The following NMT1 variants were observed in gnomAD, a reference collection of about 807,000 sequenced individuals.
NMT1 encodes the protein N-myristoyltransferase 1, also known as glycylpeptide N-tetradecanoyltransferase 1.
NMT1 carries 12 observed loss-of-function variants against 63.4 expected under a neutral mutation model. The observed-to-expected ratio is 0.19, with a 90% CI of 0.12 to 0.31. The LOEUF is 0.31. Ranked by LOEUF, NMT1 falls within the 10% of genes least tolerant of loss-of-function variation. NMT1 has a pLI of 1.00. For missense variants in NMT1, 432 were observed against 634.6 expected, an observed-to-expected ratio of 0.68 and a Z score of 3.43; for synonymous variants, 228 against 234.3, an observed-to-expected ratio of 0.97 and a Z score of 0.25.
At chr17:45,078,479 T>C (rs2053991179) in intron 1 of NMT1, among the ~76,000 whole-genome samples, 1 of 152,000 alleles carries the variant, frequency 6.6e-6, no homozygotes. Flanking sequence ...CAGATCACTT[T>C]CTCCCTGTAT....
rs373223252 is a variant in NMT1, at chr17:45,061,488, C to T, written c.131+28C>T. 2.0e-5 allele frequency: 32 copies of T among 1,603,076 alleles called. No individual in the cohort carries two copies. In the African/African-American group the frequency reaches 3.7e-4, roughly 19 times the overall value. ...AACGAAATCCTCGGAGTCCAATTCCCGTCCAGCCTCCCACAACCTGGGTCT... is the reference window on the plus strand; with the variant it reads ...AACGAAATCCTCGGAGTCCAATTCCTGTCCAGCCTCCCACAACCTGGGTCT... On this transcript the variant is annotated intron_variant, in intron 1 of 11. Coordinates refer to ENST00000258960, the MANE Select transcript of NMT1 (RefSeq NM_021079.5).
intron 2 of NMT1, among the ~76,000 whole-genome samples, chr17:45,084,486 G>A (rs2054038637): frequency 6.6e-6 from 1 of 151,710 alleles, no homozygotes. Context: ...AGCCGCCCGT[G>A]ACCACACTGG....
At chr17:45,070,082 G>A (rs1182890827) in intron 1 of NMT1, among the ~76,000 whole-genome samples, 1 of 152,166 alleles carries the variant, frequency 6.6e-6, no homozygotes, top group Non-Finnish European at 1.5e-5. Context: ...GTATACCAGA[G>A]CTTTTGTGAC....
At chr17:45,081,849 A>G in intron 2 of NMT1, 97 bp downstream of exon 2, 3 of 893,448 alleles carry the variant, frequency 3.4e-6, no homozygotes, top group Non-Finnish European at 5.1e-6. Context: ...GACGTTCTCC[A>G]CTGGTATTAC....
intron 3 of NMT1, among the ~76,000 whole-genome samples, chr17:45,091,449 T>C (rs1406869411): frequency 6.6e-6 from 1 of 152,120 alleles, no homozygotes; most frequent in African/African-American, 2.4e-5. Context: ...TAGGACCTAG[T>C]AGCCAGCCTA....
Position 45,104,541 on chromosome 17 carries a change from G to A in NMT1, c.1333-318G>A, listed in dbSNP as rs1051773556. ...TCTCAGAGGAATGGGCTCAGGGTTT[G>A]GACTCCAGAGAGGACTGTGGAAATT... On this transcript the variant is annotated intron_variant, in intron 10 of 11. Transcript: ENST00000258960. The surrounding 1 kb of genome is among the most constrained non-coding windows in gnomAD (Gnocchi z 4.2). 18 of 1,152,736 alleles carry A rather than the reference G, an allele frequency of 1.6e-5. No homozygotes were observed. The highest frequency in any genetic ancestry group is 1.9e-5 in the Non-Finnish European group (18 of 932,030). 71.4% of individuals were successfully genotyped at this position (1,152,736 alleles called of 1,614,324 possible). A position where few individuals can be genotyped will look rare whatever the true frequency, so the allele number is the denominator to read the frequency against.
rs1359401439 is a variant in NMT1 at position 45,103,510 on chromosome 17, T to G, written c.1165-199T>G. Among the ~76,000 whole-genome samples, 1 of 152,038 alleles carries G rather than the reference T, an allele frequency of 6.6e-6. No homozygotes were observed. The highest frequency in any genetic ancestry group is 1.5e-5 in the Non-Finnish European group (1 of 68,010). On this transcript the variant is annotated intron_variant, in intron 9 of 11. Coordinates refer to ENST00000258960, the MANE Select transcript of NMT1 (RefSeq NM_021079.5). The surrounding 1 kb of genome is among the most constrained non-coding windows in gnomAD (Gnocchi z 4.8). ...CATGCTGGGAAAGAGGTCTGGCAGG[T>G]TCAGCCCACGATCACGGCTCTGTCC...
intron 3 of NMT1, among the ~76,000 whole-genome samples, chr17:45,091,322 A>G (rs1347047062): frequency 6.6e-6 from 1 of 151,744 alleles, no homozygotes; most frequent in Non-Finnish European, 1.5e-5. Context: ...TTTGGTGTCC[A>G]TGATGGTGAG....
intron 1 of NMT1, among the ~76,000 whole-genome samples, chr17:45,063,204 C>CAAA (rs5820561): frequency 4.3e-4 from 34 of 79,964 alleles, no homozygotes; most frequent in Middle Eastern, 6.8e-3. Flanking sequence ...GACTCCGACT[C>CAAA]AAAAAAAAAA....
At chr17:45,085,970 C>T (rs111869417) in intron 2 of NMT1, among the ~76,000 whole-genome samples, 455 of 151,920 alleles carry the variant, frequency 3.0e-3, no homozygotes, top group African/African-American at 9.8e-3. Flanking sequence ...TACAGGGACA[C>T]GCCGCCATGC....
rs2054177565 is a variant in NMT1 at position 45,102,956 on chromosome 17, C to T, written c.999C>T (p.Pro333=). Residue 333 remains proline, a synonymous_variant, in exon 9 of 12, where the codon CCC becomes CCT. Transcript: ENST00000258960. ...TMKLYRLPET[P]KTAGLRPMET... ...CTCTTCTGTCTTGCCTCCAGACTCC[C>T]AAGACAGCTGGGCTGCGACCAATGG... 6.2e-7 allele frequency: 1 copy of T among 1,610,488 alleles called. No individual in the cohort carries two copies. The highest frequency in any genetic ancestry group is 1.3e-5 in the African/African-American group (1 of 74,850).
chr17:45,104,587 T>A lies in NMT1; in HGVS notation c.1333-272T>A. 1 of 1,234,306 alleles carries A rather than the reference T, an allele frequency of 8.1e-7. No homozygotes were observed. Among genetic ancestry groups the A allele is most frequent in the South Asian group, 2.4e-5 (1 of 40,968 alleles). 76.5% of individuals were successfully genotyped at this position (1,234,306 alleles called of 1,614,324 possible). A position where few individuals can be genotyped will look rare whatever the true frequency, so the allele number is the denominator to read the frequency against. On this transcript the variant is annotated intron_variant, in intron 10 of 11. Transcript: ENST00000258960. This position sits in a 1 kb window ranked among gnomAD's most constrained non-coding sequence, Gnocchi z 4.2. The stretch of plus-strand genomic sequence containing the variant: ...AAATTACTAGAGTTTCAGGGAGGCA[T>A]AACCAGGAATAGCAAGAGCCCCGGC...
At chr17:45,102,912 TC>T in intron 8 of NMT1, 38 bp from the exon 9 acceptor site, 12 of 1,571,714 alleles carry the variant, frequency 7.6e-6, no homozygotes, top group Non-Finnish European at 9.6e-6. Flanking sequence ...TCCAGGGTGA[TC>T]AGCTCATCTC....
Position 45,103,989 on chromosome 17 carries a change from C to G in NMT1, c.1332+113C>G. The G allele has an allele frequency of 1.3e-6, 2 of 1,598,680 alleles. No individual in the cohort carries two copies. The highest frequency in any genetic ancestry group is 1.7e-6 in the Non-Finnish European group (2 of 1,179,262). The stretch of plus-strand genomic sequence containing the variant: ...CATGGGCTGGAGGCTCTGAGCCCTC[C>G]TCATCTGTTCTGCTTAGGCAGGGTT... On this transcript the variant is annotated intron_variant, in intron 10 of 11. Transcript: ENST00000258960. The surrounding 1 kb of genome is among the most constrained non-coding windows in gnomAD (Gnocchi z 4.8).
rs775829411 is a variant in NMT1 at position 45,097,232 on chromosome 17, A to G, written c.701A>G (p.His234Arg). The G allele has an allele frequency of 1.6e-5, 26 of 1,613,426 alleles. No individual in the cohort carries two copies. Among genetic ancestry groups the G allele is most frequent in the African/African-American group, 2.7e-5 (2 of 74,894 alleles). Residue 234 changes from histidine (H) to arginine (R), a missense_variant, in exon 6 of 12, where the codon CAT (histidine) becomes CGT (arginine). His to Arg is a conservative substitution (Grantham distance 29, BLOSUM62 0). Transcript: ENST00000258960. The part of the protein sequence containing the change: ...GFISAIPANI[H>R]IYDTEKKMVE... ...ATTAGCGCCATCCCAGCAAACATCC[A>G]TATCTATGACACGTAAGCACCTGCA...
intron 1 of NMT1, among the ~76,000 whole-genome samples, chr17:45,063,197 T>C (rs1597998736): frequency 1.1e-5 from 1 of 87,126 alleles, no homozygotes. Context: ...AGAGCGAGAC[T>C]CCGACTCAAA....
At chr17:45,071,731 C>G (rs965398730) in intron 1 of NMT1, among the ~76,000 whole-genome samples, 1 of 152,018 alleles carries the variant, frequency 6.6e-6, no homozygotes, top group Non-Finnish European at 1.5e-5. Flanking sequence ...GCTTTATTTA[C>G]TTATTAGAGA....
intron 1 of NMT1, among the ~76,000 whole-genome samples, chr17:45,069,269 TTTTATTATTTA>T (rs557614500): frequency 0.017 from 2,298 of 133,488 alleles, 57 homozygotes; most frequent in South Asian, 0.08. Flanking sequence ...AGACTTTATT[TTTTATTATTTA>T]TTTATTTATT....
Position 45,061,317 on chromosome 17 carries a change from C to G in NMT1, c.-13C>G. ...ATGTAGTGGGGCGCGGAGCCCTGCT[C>G]TCGCAACTCAAGATGGCGGACGAGA... On this transcript the variant is annotated 5_prime_UTR_variant, in exon 1 of 12. Coordinates refer to ENST00000258960, the MANE Select transcript of NMT1 (RefSeq NM_021079.5). 1.2e-6 allele frequency: 2 copies of G among 1,612,384 alleles called. No homozygotes were observed. The highest frequency in any genetic ancestry group is 1.3e-5 in the African/African-American group (1 of 75,018).
Sources: gnomAD v4.1 joint callset for allele counts (sites outside exome capture counted in the v4.1 genomes callset) on GRCh38, gnomAD v4.1.1 for gene constraint, Gnocchi (gnomAD v3.1) non-coding constraint, MANE v1.5 for transcripts, NCBI Gene and HGNC (gene_info 2026-07-23, HGNC 2026-07-21) for gene names.